The following NRCAM variants were observed in gnomAD, a reference collection of about 807,000 sequenced individuals.
NRCAM encodes the protein NgCAM-related cell adhesion molecule.
A neutral mutation model predicts 156.5 loss-of-function variants in NRCAM; 83 were observed. The ratio of observed to expected loss-of-function variants is 0.53; its 90% CI spans 0.44 to 0.64. NRCAM has a LOEUF of 0.64. NRCAM is among the 30% of genes least tolerant of loss of function. NRCAM has a pLI of 0.00. For synonymous variants in NRCAM, 538 were observed against 563.9 expected (o/e 0.95, Z 0.65); for missense variants, 1,417 against 1,597.3 (o/e 0.89, Z 1.92).
intron 11 of NRCAM, among the ~76,000 whole-genome samples, chr7:108,218,176 G>A (rs180749874): frequency 1.2e-4 from 15 of 130,278 alleles, no homozygotes; most frequent in African/African-American, 2.2e-4. Flanking sequence ...CCTTGGCTGG[G>A]GGGGGGGGGG....
chr7:108,236,585 T>C (rs942280477), intron 5 of NRCAM, among the ~76,000 whole-genome samples: 2 of 152,156 alleles, frequency 1.3e-5, no homozygotes, highest in Non-Finnish European at 2.9e-5. Flanking sequence ...AAAATAAAGT[T>C]TAAAAGTAGT....
chr7:108,157,461 G>A (rs1442190034), intron 32 of NRCAM, among the ~76,000 whole-genome samples: 4 of 152,134 alleles, frequency 2.6e-5, no homozygotes, highest in Non-Finnish European at 4.4e-5. Flanking sequence ...ATGGCTCATA[G>A]AAGAAAACAG....
chr7:108,223,942 T>C, intron 10 of NRCAM, 106 bp from the exon 11 acceptor site: 1 of 641,714 alleles, frequency 1.6e-6, no homozygotes, highest in Non-Finnish European at 2.8e-6. Context: ...TTTTAAGCTA[T>C]TTAACATTAA....
At chr7:108,185,813 C>T (rs181386461) in intron 20 of NRCAM, among the ~76,000 whole-genome samples, 47 of 150,348 alleles carry the variant, frequency 3.1e-4, no homozygotes, top group African/African-American at 1.1e-3. Context: ...TTAAGTGAAA[C>T]CAAGCAGCCA....
intron 2 of NRCAM, among the ~76,000 whole-genome samples, chr7:108,315,948 T>C (rs986298759): frequency 4.6e-5 from 7 of 152,208 alleles, no homozygotes; most frequent in Non-Finnish European, 1.0e-4. Context: ...AGAGGACATG[T>C]TGGATATATA....
chr7:108,169,915 A>ACAGAAGAG (rs1476803369), intron 28 of NRCAM, among the ~76,000 whole-genome samples: 10 of 152,356 alleles, frequency 6.6e-5, no homozygotes, highest in African/African-American at 2.4e-4. Flanking sequence ...GCATTTACTA[A>ACAGAAGAG]CAGAAGAGCA....
chr7:108,386,292 T>C (rs1216208459), intron 2 of NRCAM, among the ~76,000 whole-genome samples: 1 of 152,174 alleles, frequency 6.6e-6, no homozygotes, highest in Non-Finnish European at 1.5e-5. Flanking sequence ...AATACACTTA[T>C]TAGTAATTTA....
At chr7:108,233,392 A>T (rs554131669) in intron 6 of NRCAM, among the ~76,000 whole-genome samples, 13 of 152,192 alleles carry the variant, frequency 8.5e-5, no homozygotes, top group Non-Finnish European at 1.9e-4. Context: ...TGCTACTGGC[A>T]TATTGTGGGC....
chr7:108,432,043 G>T (rs1474748309), intron 1 of NRCAM, among the ~76,000 whole-genome samples: 1 of 152,168 alleles, frequency 6.6e-6, no homozygotes, highest in East Asian at 1.9e-4. Context: ...AAGAAGACAG[G>T]CAATGCTGCT....
chr7:108,434,970 CAATAAT>C (rs1235749127), intron 1 of NRCAM, among the ~76,000 whole-genome samples: 1 of 149,052 alleles, frequency 6.7e-6, no homozygotes, highest in Non-Finnish European at 1.5e-5. Flanking sequence ...TGTCAGTAGT[CAATAAT>C]AACAACAAAA....
At chr7:108,307,922 C>T (rs1465420941) in intron 3 of NRCAM, among the ~76,000 whole-genome samples, 1 of 152,220 alleles carries the variant, frequency 6.6e-6, no homozygotes, top group Non-Finnish European at 1.5e-5. Flanking sequence ...CCTAGGCACA[C>T]ATGTCTACCT....
chr7:108,442,273 C>T (rs991339235), intron 1 of NRCAM, among the ~76,000 whole-genome samples: 63 of 152,112 alleles, frequency 4.1e-4, no homozygotes, highest in Admixed American at 3.5e-3. Context: ...TCATCCATTC[C>T]AAGTAATTGA....
intron 3 of NRCAM, among the ~76,000 whole-genome samples, chr7:108,244,321 GCT>G (rs2095756718): frequency 6.6e-6 from 1 of 152,072 alleles, no homozygotes; most frequent in South Asian, 2.1e-4. Flanking sequence ...ACTAACTATT[GCT>G]CTGATGCCTC....
intron 2 of NRCAM, among the ~76,000 whole-genome samples, chr7:108,393,969 C>A (rs1304776419): frequency 6.6e-6 from 1 of 152,186 alleles, no homozygotes; most frequent in African/African-American, 2.4e-5. Context: ...TGAGCACAAC[C>A]CCAAGGGGAG....
At chr7:108,360,652 T>C (rs2099543858) in intron 2 of NRCAM, among the ~76,000 whole-genome samples, 4 of 152,124 alleles carry the variant, frequency 2.6e-5, no homozygotes, top group Admixed American at 2.6e-4. Flanking sequence ...GACATATAAA[T>C]CCATGAAACA....
At chr7:108,215,356 G>A (rs972767503) in intron 11 of NRCAM, among the ~76,000 whole-genome samples, 1 of 151,876 alleles carries the variant, frequency 6.6e-6, no homozygotes, top group Non-Finnish European at 1.5e-5. Context: ...GGGACTACAG[G>A]TGCCTGCCAC....
At chr7:108,315,238 A>G (rs2098892554) in intron 2 of NRCAM, among the ~76,000 whole-genome samples, 1 of 152,206 alleles carries the variant, frequency 6.6e-6, no homozygotes, top group Admixed American at 6.5e-5. Context: ...TTTGACTAGT[A>G]GTAAAATCAT....
At chr7:108,407,243 T>G (rs2099809818) in intron 1 of NRCAM, among the ~76,000 whole-genome samples, 1 of 152,214 alleles carries the variant, frequency 6.6e-6, no homozygotes, top group East Asian at 1.9e-4. Flanking sequence ...TCATTAAATA[T>G]TCTATAAAAT....
At chr7:108,231,516 C>T (rs1258197097) in intron 7 of NRCAM, among the ~76,000 whole-genome samples, 1 of 152,046 alleles carries the variant, frequency 6.6e-6, no homozygotes, top group African/African-American at 2.4e-5. Context: ...ACATCTACAC[C>T]TCTGAATACC....
Sources: allele counts gnomAD v4.1 joint callset (sites outside exome capture counted in the v4.1 genomes callset), GRCh38; gene constraint gnomAD v4.1.1; transcripts MANE v1.5; gene names NCBI Gene and HGNC (gene_info 2026-07-23, HGNC 2026-07-21).